The following NKAIN2 variants were observed in gnomAD, a reference collection of about 807,000 sequenced individuals.
NKAIN2 encodes the protein sodium/potassium transporting ATPase interacting 2.
In NKAIN2, 14 loss-of-function variants were observed where a neutral mutation model predicts 32.6. The ratio of observed to expected loss-of-function variants is 0.43; its 90% CI spans 0.28 to 0.67. The LOEUF (loss-of-function observed/expected upper bound fraction) is 0.67, where lower values mean the gene tolerates loss of function less well. Ranked by LOEUF, NKAIN2 falls within the 30% of genes least tolerant of loss-of-function variation. The pLI is 0.17. For synonymous variants in NKAIN2, 80 were observed against 87.2 expected (o/e 0.92, Z 0.46); for missense variants, 198 against 258.3 (o/e 0.77, Z 1.60).
At chr6:124,783,415 C>T (rs1340743892) in intron 4 of NKAIN2, among the ~76,000 whole-genome samples, 1 of 152,098 alleles carries the variant, frequency 6.6e-6, no homozygotes, top group Non-Finnish European at 1.5e-5. Flanking sequence ...GTGTTTAATA[C>T]AGTCATGCTT....
intron 1 of NKAIN2, among the ~76,000 whole-genome samples, chr6:124,235,555 TG>T (rs1792703487): frequency 6.6e-6 from 1 of 151,456 alleles, no homozygotes; most frequent in Non-Finnish European, 1.5e-5. Context: ...TTGATGGAAA[TG>T]GTGAGTTTTG....
At chr6:124,657,247 A>G (rs1424864169) in intron 3 of NKAIN2, among the ~76,000 whole-genome samples, 1 of 152,218 alleles carries the variant, frequency 6.6e-6, no homozygotes, top group Non-Finnish European at 1.5e-5. Context: ...GGCCATAACT[A>G]TCACTGAAAC....
At chr6:123,984,009 G>A (rs1779022163) in intron 1 of NKAIN2, among the ~76,000 whole-genome samples, 1 of 152,106 alleles carries the variant, frequency 6.6e-6, no homozygotes, top group Non-Finnish European at 1.5e-5. Flanking sequence ...CCAGGTTCAA[G>A]CGGTTCTCCT....
At chr6:124,373,230 C>T (rs912644596) in intron 3 of NKAIN2, among the ~76,000 whole-genome samples, 3 of 151,986 alleles carry the variant, frequency 2.0e-5, no homozygotes, top group Non-Finnish European at 2.9e-5. Context: ...GTCATGGATG[C>T]AGGGTGTAGG....
At chr6:124,287,317 A>G (rs940087875) in intron 2 of NKAIN2, among the ~76,000 whole-genome samples, 1 of 152,178 alleles carries the variant, frequency 6.6e-6, no homozygotes, top group Non-Finnish European at 1.5e-5. Context: ...TTGATGGGAC[A>G]TTTTATTTAA....
intron 1 of NKAIN2, among the ~76,000 whole-genome samples, chr6:123,825,007 A>G (rs947331327): frequency 6.6e-6 from 1 of 152,142 alleles, no homozygotes; most frequent in African/African-American, 2.4e-5. Context: ...TATTTCTCAC[A>G]GTTCTAGAGG....
intron 1 of NKAIN2, among the ~76,000 whole-genome samples, chr6:123,809,350 T>TG (rs1554208454): frequency 6.6e-6 from 1 of 152,110 alleles, no homozygotes; most frequent in Non-Finnish European, 1.5e-5. Context: ...CCTTTTTTCA[T>TG]ACAATGATAG....
intron 3 of NKAIN2, among the ~76,000 whole-genome samples, chr6:124,625,700 CTTTATTTA>C (rs144587539): frequency 5.9e-4 from 73 of 122,846 alleles, no homozygotes; most frequent in Middle Eastern, 4.0e-3. Context: ...GCTGAAGATG[CTTTATTTA>C]TTTATTTATT....
intron 3 of NKAIN2, among the ~76,000 whole-genome samples, chr6:124,388,144 G>T (rs543696314): frequency 1.3e-5 from 2 of 151,648 alleles, no homozygotes; most frequent in Non-Finnish European, 2.9e-5. Context: ...CCTAGATCTA[G>T]ACTACTTCCA....
chr6:124,567,108 C>T (rs951928341), intron 3 of NKAIN2, among the ~76,000 whole-genome samples: 1 of 152,130 alleles, frequency 6.6e-6, no homozygotes, highest in Non-Finnish European at 1.5e-5. Flanking sequence ...CCATTCATAT[C>T]GCAAAAACTC....
chr6:124,684,594 C>T (rs1395570888), intron 4 of NKAIN2, among the ~76,000 whole-genome samples: 1 of 152,084 alleles, frequency 6.6e-6, no homozygotes, highest in Non-Finnish European at 1.5e-5. Flanking sequence ...TATAAAAACC[C>T]ATTAAAATCT....
chr6:124,184,370 T>C (rs1297146627), intron 1 of NKAIN2, among the ~76,000 whole-genome samples: 1 of 152,124 alleles, frequency 6.6e-6, no homozygotes, highest in African/African-American at 2.4e-5. Flanking sequence ...CTCTAATACA[T>C]TCATTATTTC....
At chr6:124,420,154 T>G (rs1004772044) in intron 3 of NKAIN2, among the ~76,000 whole-genome samples, 3 of 152,134 alleles carry the variant, frequency 2.0e-5, no homozygotes, top group Non-Finnish European at 4.4e-5. Flanking sequence ...AAAGACAGGC[T>G]TTTGATGACA....
intron 1 of NKAIN2, among the ~76,000 whole-genome samples, chr6:124,033,964 A>C (rs969268031): frequency 6.6e-6 from 1 of 152,092 alleles, no homozygotes; most frequent in Admixed American, 6.6e-5. Flanking sequence ...GTACATGTTC[A>C]CAATTAAAGT....
At chr6:124,628,257 C>T (rs911165474) in intron 3 of NKAIN2, among the ~76,000 whole-genome samples, 2 of 139,738 alleles carry the variant, frequency 1.4e-5, no homozygotes, top group African/African-American at 5.5e-5. Flanking sequence ...CAGACATGAC[C>T]TTACCTTTAA....
At chr6:123,850,730 G>A (rs951756712) in intron 1 of NKAIN2, among the ~76,000 whole-genome samples, 2 of 152,046 alleles carry the variant, frequency 1.3e-5, no homozygotes, top group East Asian at 1.9e-4. Context: ...TTATTTTTTT[G>A]TGGTGGGAAC....
intron 1 of NKAIN2, among the ~76,000 whole-genome samples, chr6:124,017,596 G>C (rs1160928716): frequency 1.3e-5 from 2 of 152,080 alleles, no homozygotes; most frequent in African/African-American, 4.8e-5. Flanking sequence ...GGGAGAAATT[G>C]GCCAAAATGA....
intron 3 of NKAIN2, among the ~76,000 whole-genome samples, chr6:124,463,326 C>G (rs1776608682): frequency 6.6e-6 from 1 of 152,028 alleles, no homozygotes; most frequent in African/African-American, 2.4e-5. Context: ...CAATTATGTG[C>G]ATATACATAT....
intron 1 of NKAIN2, among the ~76,000 whole-genome samples, chr6:124,060,325 A>T (rs1782868009): frequency 6.6e-6 from 1 of 152,196 alleles, no homozygotes; most frequent in Admixed American, 6.5e-5. Context: ...CCTGAATCAA[A>T]TTAGCCTCTA....
Sources: allele counts gnomAD v4.1 joint callset (sites outside exome capture counted in the v4.1 genomes callset), GRCh38; gene constraint gnomAD v4.1.1; transcripts MANE v1.5; gene names NCBI Gene and HGNC (gene_info 2026-07-23, HGNC 2026-07-21).